RRH: variants seen among roughly 807,000 people sequenced by gnomAD.
RRH encodes visual pigment-like receptor peropsin.
In RRH, 36 loss-of-function variants were observed where a neutral mutation model predicts 33.1. That is an observed-to-expected ratio of 1.09 (90% CI 0.83 to 1.44). The LOEUF (loss-of-function observed/expected upper bound fraction) is 1.44. Among genes scored for constraint, RRH ranks in the 40% most tolerant of loss-of-function variants. The pLI, the probability that RRH is intolerant of heterozygous loss-of-function variation, is 0.00. For missense variants in RRH, 393 were observed against 420.2 expected, an observed-to-expected ratio of 0.94 and a Z score of 0.57; for synonymous variants, 124 against 140.2, an observed-to-expected ratio of 0.88 and a Z score of 0.82.
intron 4 of RRH, among the ~76,000 whole-genome samples, chr4:109,836,647 A>T (rs13107617): frequency 3.3e-5 from 5 of 152,054 alleles, no homozygotes; most frequent in Admixed American, 1.3e-4. Flanking sequence ...AGGCTTCTTT[A>T]TATTTTCCAG....
chr4:109,831,093 A>G (rs1447668417), intron 1 of RRH, among the ~76,000 whole-genome samples: 1 of 152,208 alleles, frequency 6.6e-6, no homozygotes, highest in Non-Finnish European at 1.5e-5. Flanking sequence ...TTTAGTTCAT[A>G]ACCCCCATTA....
intron 5 of RRH, among the ~76,000 whole-genome samples, chr4:109,838,182 C>G (rs1363370984): frequency 2.0e-5 from 3 of 152,190 alleles, no homozygotes; most frequent in Non-Finnish European, 4.4e-5. Flanking sequence ...GATTTATTCT[C>G]TTATACCACC....
chr4:109,844,145 G>A lies in RRH; in HGVS notation c.962G>A (p.Ser321Asn). ...CQTHQTMPVT[S>N]ILPMDVSQNP... ...ACTCACCAAACAATGCCTGTGACAA[G>A]TATTTTACCCATGGATGTATCTCAA... The change falls in exon 7 of 7, where the codon AGT becomes AAT. Residue 321 changes from serine (S) to asparagine (N), a missense_variant. Physicochemically the swap from Ser to Asn is conservative, Grantham distance 46. Transcript: ENST00000317735. 2 of 1,613,838 alleles carry A rather than the reference G, an allele frequency of 1.2e-6. No homozygotes were observed. The highest frequency in any genetic ancestry group is 1.7e-6 in the Non-Finnish European group (2 of 1,179,754).
intron 1 of RRH, among the ~76,000 whole-genome samples, chr4:109,828,867 C>T (rs912149234): frequency 2.6e-5 from 4 of 151,874 alleles, no homozygotes; most frequent in Admixed American, 2.0e-4. Context: ...ACATAAATGC[C>T]ATATAGTAGG....
intron 4 of RRH, among the ~76,000 whole-genome samples, 192 bp from the exon 5 acceptor site, chr4:109,837,245 A>C (rs573395880): frequency 7.9e-4 from 121 of 152,350 alleles, no homozygotes; most frequent in Non-Finnish European, 6.0e-4. Flanking sequence ...AAGATGAGTG[A>C]TAGGCTGAAA....
rs1733879775 is a variant in RRH at position 109,836,099 on chromosome 4, G to A, written c.490G>A (p.Ala164Thr). The A allele has an allele frequency of 6.2e-7, 1 of 1,614,156 alleles. No homozygotes were observed. ...GGCTTTGATGCCTATCATAGGGTGG[G>A]CTAGTTATGCCCCAGATCCTACTGG... ...FWALMPIIGWASYAPDPTGAT... is the reference protein window; with the variant it reads ...FWALMPIIGWTSYAPDPTGAT... Residue 164 changes from alanine (A) to threonine (T), a missense_variant, in exon 4 of 7, where the codon GCT becomes ACT. By Grantham distance (58) the Ala-to-Thr change is moderately conservative (BLOSUM62 0). Transcript: ENST00000317735.
At chr4:109,835,249 A>G in intron 2 of RRH, 117 bp from the exon 3 acceptor site, 1 of 706,806 alleles carries the variant, frequency 1.4e-6, no homozygotes. Flanking sequence ...TGTATTTTAA[A>G]GTAGTAAAGT....
chr4:109,828,758 A>T (rs558126143), intron 1 of RRH, among the ~76,000 whole-genome samples: 1 of 152,202 alleles, frequency 6.6e-6, no homozygotes, highest in South Asian at 2.1e-4. Context: ...AACTGTGAGC[A>T]TGTATCTTCC....
At chr4:109,831,228 C>T (rs187796523) in intron 1 of RRH, among the ~76,000 whole-genome samples, 58 of 152,180 alleles carry the variant, frequency 3.8e-4, no homozygotes, top group Admixed American at 1.0e-3. Flanking sequence ...CAGAAAGAGT[C>T]TTCATTTCAT....
intron 1 of RRH, among the ~76,000 whole-genome samples, chr4:109,829,746 C>A (rs116779212): frequency 1.0e-3 from 159 of 152,254 alleles, no homozygotes; most frequent in Non-Finnish European, 1.6e-3. Flanking sequence ...GATTTGAACC[C>A]AGGCATTTTG....
In RRH at chr4:109,828,085, T is replaced by G; in HGVS notation, c.58T>G (p.Phe20Val). ...SDSKNEDGSV[F>V]SQTEHNIVAT... ...CTCTAAAAATGAAGATGGCTCGGTC[T>G]TTTCACAGACTGAACACAATATTGT... The change falls in exon 1 of 7, where the codon TTT (phenylalanine) becomes GTT (valine). Residue 20 changes from phenylalanine (F) to valine (V), a missense_variant. Phe to Val is a conservative substitution (Grantham distance 50, BLOSUM62 -1). Coordinates refer to ENST00000317735, the MANE Select transcript of RRH (RefSeq NM_006583.5). 1 of 1,612,820 alleles carries G rather than the reference T, an allele frequency of 6.2e-7. No individual in the cohort carries two copies. The highest frequency in any genetic ancestry group is 1.1e-5 in the South Asian group (1 of 91,054).
rs950580831 is a variant in RRH, at chr4:109,842,777, G to A, written c.899+130G>A. 8 of 773,202 alleles carry A rather than the reference G, an allele frequency of 1.0e-5. No individual in the cohort carries two copies. In the Admixed American group the frequency reaches 1.4e-4, roughly 14 times the overall value. The allele number at this position is 773,202 out of a possible 1,614,324, so 47.9% of individuals were successfully genotyped here. A position where few individuals can be genotyped will look rare whatever the true frequency, so the allele number is the denominator to read the frequency against. On this transcript the variant is annotated intron_variant, in intron 6 of 6. Coordinates refer to ENST00000317735, the MANE Select transcript of RRH (RefSeq NM_006583.5). ...AAAGGTCATTTGCCTCATGTGACTG[G>A]AGCAGCATCTAGGACCTTAAATGCT... is the stretch of plus-strand genomic sequence containing the variant.
At chr4:109,832,104 T>G (rs975589577) in intron 1 of RRH, among the ~76,000 whole-genome samples, 14 of 150,546 alleles carry the variant, frequency 9.3e-5, no homozygotes, top group African/African-American at 3.4e-4. Flanking sequence ...ACAACCCTCC[T>G]TTAGTCTCTA....
At chr4:109,831,311 A>G (rs1356162623) in intron 1 of RRH, among the ~76,000 whole-genome samples, 3 of 152,132 alleles carry the variant, frequency 2.0e-5, no homozygotes, top group African/African-American at 7.2e-5. Context: ...AGAATCATCA[A>G]ATTTGCTGTC....
intron 1 of RRH, among the ~76,000 whole-genome samples, chr4:109,831,759 G>A (rs748784193): frequency 5.9e-5 from 9 of 152,156 alleles, no homozygotes; most frequent in Non-Finnish European, 1.3e-4. Context: ...GAGGCAAAGA[G>A]CCTGGAATAT....
Position 109,843,622 on chromosome 4 carries a change from A to G in RRH, c.900-461A>G, listed in dbSNP as rs567287390. ...CAAACAGACCACATAAGAAGAATGAAGAACACATTTTAAATTCAGAATCTG... is the reference window on the plus strand; with the variant it reads ...CAAACAGACCACATAAGAAGAATGAGGAACACATTTTAAATTCAGAATCTG... On this transcript the variant is annotated intron_variant, in intron 6 of 6. Transcript: ENST00000317735. 2.7e-4 allele frequency among the ~76,000 whole-genome samples: 41 copies of G among 152,376 alleles called. No homozygotes were observed. The South Asian group carries it at 8.5e-3, about 32-fold the overall frequency.
intron 1 of RRH, among the ~76,000 whole-genome samples, chr4:109,830,789 T>C (rs764650839): frequency 2.0e-4 from 31 of 152,006 alleles, no homozygotes; most frequent in Admixed American, 7.2e-4. Flanking sequence ...GGTTGGACAA[T>C]GCACATATTT....
intron 1 of RRH, among the ~76,000 whole-genome samples, chr4:109,831,398 A>C (rs746950354): frequency 2.0e-5 from 3 of 152,196 alleles, no homozygotes; most frequent in Non-Finnish European, 2.9e-5. Flanking sequence ...TTATTAAATA[A>C]ATCTGCTGTA....
intron 1 of RRH, among the ~76,000 whole-genome samples, chr4:109,832,206 C>CT (rs761532245): frequency 6.9e-6 from 1 of 143,994 alleles, no homozygotes; most frequent in South Asian, 2.4e-4. Context: ...CCATATCTGG[C>CT]TTATGCCCTT....
Sources: allele counts gnomAD v4.1 joint callset (sites outside exome capture counted in the v4.1 genomes callset), GRCh38; gene constraint gnomAD v4.1.1; transcripts MANE v1.5; gene names NCBI Gene and HGNC (gene_info 2026-07-23, HGNC 2026-07-21).